Variants in TIPARP observed in about 807,000 individuals in gnomAD.
TIPARP encodes protein mono-ADP-ribosyltransferase TIPARP.
Under a neutral mutation model 56.5 loss-of-function variants are expected in TIPARP, and 12 were observed. That is an observed-to-expected ratio of 0.21 (90% CI 0.14 to 0.34). TIPARP has a LOEUF of 0.34. Ranked by LOEUF, TIPARP falls within the 10% of genes least tolerant of loss-of-function variation. The pLI is 1.00. For synonymous variants in TIPARP, 296 were observed against 265.7 expected, an observed-to-expected ratio of 1.11 and a Z score of -1.11; for missense variants, 604 against 781.6, an observed-to-expected ratio of 0.77 and a Z score of 2.71.
chr3:156,677,649 C>A lies in TIPARP; in HGVS notation c.-41-8C>A. ...TGTAAATGATCATCTTCCTTCCTTTCCTCGTAGGATTTTTAGACTCTGAGG... is the reference window on the plus strand; with the variant it reads ...TGTAAATGATCATCTTCCTTCCTTTACTCGTAGGATTTTTAGACTCTGAGG... On this transcript the variant is annotated splice_region_variant and splice_polypyrimidine_tract_variant and intron_variant, in intron 1 of 5. Coordinates refer to ENST00000295924, the MANE Select transcript of TIPARP (RefSeq NM_015508.5). 6.7e-7 allele frequency: 1 copy of A among 1,489,832 alleles called. No homozygotes were observed. Among genetic ancestry groups the A allele is most frequent in the Non-Finnish European group, 9.0e-7 (1 of 1,115,946 alleles). 92.3% of individuals were successfully genotyped at this position (1,489,832 alleles called of 1,614,324 possible).
intron 2 of TIPARP, among the ~76,000 whole-genome samples, chr3:156,688,267 T>TG (rs1283114805): frequency 6.7e-6 from 1 of 149,402 alleles, no homozygotes; most frequent in Non-Finnish European, 1.5e-5. Flanking sequence ...TCACAGCTAC[T>TG]GGGGATGCTG....
At chr3:156,683,757 A>C (rs1722361077) in intron 2 of TIPARP, among the ~76,000 whole-genome samples, 1 of 152,142 alleles carries the variant, frequency 6.6e-6, no homozygotes, top group South Asian at 2.1e-4. Context: ...CCTTAGTTTT[A>C]TTCTGGGTTT....
intron 2 of TIPARP, among the ~76,000 whole-genome samples, chr3:156,691,414 A>G (rs899562427): frequency 1.3e-5 from 2 of 152,164 alleles, no homozygotes; most frequent in African/African-American, 4.8e-5. Context: ...AGATAGGCAG[A>G]TGTACTGCTT....
In TIPARP at chr3:156,678,545, A is replaced by T. The variant is rs145662613; in HGVS notation, c.848A>T (p.Asn283Ile). The T allele has an allele frequency of 6.2e-7, 1 of 1,614,098 alleles. No individual in the cohort carries two copies. The highest frequency in any genetic ancestry group is 8.5e-7 in the Non-Finnish European group (1 of 1,180,036). The change falls in exon 2 of 6, where the codon AAT becomes ATT. Residue 283 changes from asparagine to isoleucine, a missense_variant. Asn to Ile is a moderately radical substitution (Grantham distance 149). Transcript: ENST00000295924. ...TTTQKWQSVF[N>I]DSQEHLERFY... The stretch of plus-strand genomic sequence containing the variant: ...ACTCAAAAGTGGCAGAGTGTATTCA[A>T]TGATTCTCAGGAGCACTTGGAAAGA...
At chr3:156,695,831 T>TA in intron 3 of TIPARP, 34 bp from the exon 4 acceptor site, 1 of 1,296,062 alleles carries the variant, frequency 7.7e-7, no homozygotes. Flanking sequence ...CTTTCCTTTT[T>TA]TTTTTTTTTT....
chr3:156,678,411 C>G lies in TIPARP; in HGVS notation c.714C>G (p.Asn238Lys). ...NQLQYHTHQE[N>K]GIEICMDFLQ... is the part of the protein sequence containing the mutation. ...TGCAGTACCACACTCACCAAGAGAA[C>G]GGAATTGAAATTTGCATGGACTTTC... The change falls in exon 2 of 6, where the codon AAC (asparagine) becomes AAG (lysine). Residue 238 changes from asparagine (N) to lysine (K), a missense_variant. Physicochemically the swap from Asn to Lys is moderately conservative, Grantham distance 94. This residue lies in a region of TIPARP where 261 missense variants were observed against 279.2 expected (regional missense o/e 0.93). Transcript: ENST00000295924. The G allele has an allele frequency of 6.2e-7, 1 of 1,614,164 alleles. No homozygotes were observed. Among genetic ancestry groups the G allele is most frequent in the Non-Finnish European group, 8.5e-7 (1 of 1,180,022 alleles).
chr3:156,684,910 G>C (rs1435318770), intron 2 of TIPARP, among the ~76,000 whole-genome samples: 1 of 152,140 alleles, frequency 6.6e-6, no homozygotes, highest in Non-Finnish European at 1.5e-5. Flanking sequence ...GTAACTGAAA[G>C]CTTCAAATTT....
intron 2 of TIPARP, among the ~76,000 whole-genome samples, chr3:156,681,824 A>G (rs1377314457): frequency 6.6e-6 from 1 of 152,108 alleles, no homozygotes; most frequent in Non-Finnish European, 1.5e-5. Context: ...GTGTGTATGT[A>G]CTTCCCAGAT....
At chr3:156,689,799 A>C (rs9834930) in intron 2 of TIPARP, among the ~76,000 whole-genome samples, 5,844 of 152,272 alleles carry the variant, frequency 0.038, 383 homozygotes, top group African/African-American at 0.13. Context: ...GTCACTCCGC[A>C]TGTGGTGTCC....
chr3:156,683,986 A>G (rs1722366772), intron 2 of TIPARP, among the ~76,000 whole-genome samples: 1 of 152,210 alleles, frequency 6.6e-6, no homozygotes, highest in Non-Finnish European at 1.5e-5. Context: ...TCTTAACCTT[A>G]GCCAACAACC....
chr3:156,702,701 A>C (rs2108498697), intron 4 of TIPARP, among the ~76,000 whole-genome samples: 1 of 152,328 alleles, frequency 6.6e-6, no homozygotes, highest in Middle Eastern at 3.4e-3. Context: ...AGGCAGGAAT[A>C]AGTAACTTAC....
rs997160225 is a variant in TIPARP, at chr3:156,694,334, A to G, written c.1086+146A>G. On this transcript the variant is annotated intron_variant, in intron 3 of 5. Transcript: ENST00000295924. ...ATGAATATAAAATTGAGTCTCATTG[A>G]TACAAGAAAACTTTTCTCTTTTTCT... 7.6e-6 allele frequency: 5 copies of G among 662,228 alleles called. No individual in the cohort carries two copies. The African/African-American group carries it at 9.4e-5, about 13-fold the overall frequency. 41.0% of individuals were successfully genotyped at this position (662,228 alleles called of 1,614,324 possible). A position where few individuals can be genotyped will look rare whatever the true frequency, so the allele number is the denominator to read the frequency against.
intron 5 of TIPARP, 45 bp downstream of exon 5, chr3:156,703,747 CT>C: frequency 6.4e-7 from 1 of 1,560,162 alleles, no homozygotes; most frequent in Non-Finnish European, 8.6e-7. Flanking sequence ...GGCGCAGTGG[CT>C]CAAGCCTGTA....
At chr3:156,702,167 A>AT (rs978375842) in intron 4 of TIPARP, among the ~76,000 whole-genome samples, 12 of 151,762 alleles carry the variant, frequency 7.9e-5, no homozygotes, top group African/African-American at 2.4e-4. Flanking sequence ...TGTTTTAAAA[A>AT]ATATATATAT....
intron 2 of TIPARP, among the ~76,000 whole-genome samples, chr3:156,682,815 G>A (rs1722339562): frequency 6.6e-6 from 1 of 152,182 alleles, no homozygotes; most frequent in African/African-American, 2.4e-5. Context: ...AAAAATTTCT[G>A]CCTAAGAGAA....
At position 156,674,686 on chromosome 3, in the gene TIPARP, T is replaced by G. The variant is rs1577031023; in HGVS notation, c.-152T>G. ...AATGGCCCGTGCGCGGCTCGCCGCG[T>G]CGCGGCTCTGTGGTCCCTAGACGTC... On this transcript the variant is annotated 5_prime_UTR_variant, in exon 1 of 6. Transcript: ENST00000295924. 1 of 152,434 alleles carries G rather than the reference T, an allele frequency of 6.6e-6. No individual in the cohort carries two copies. The highest frequency in any genetic ancestry group is 1.5e-5 in the Non-Finnish European group (1 of 68,120). 9.4% of individuals were successfully genotyped at this position (152,434 alleles called of 1,614,324 possible).
In TIPARP at chr3:156,694,186, G is replaced by A. The variant is rs150739414; in HGVS notation, c.1084G>A (p.Glu362Lys). 21 of 1,589,892 alleles carry A rather than the reference G, an allele frequency of 1.3e-5. No individual in the cohort carries two copies. The African/African-American group carries it at 2.6e-4, about 20-fold the overall frequency. The change falls in exon 3 of 6, where the codon GAG becomes AAG. Residue 362 changes from glutamate to lysine, a missense_variant and splice_region_variant. Glu to Lys is a moderately conservative substitution (Grantham distance 56, BLOSUM62 1). Transcript: ENST00000295924. ...RDHFGWREYP[E>K]SVIRLIEEAN... ...CCACTTTGGATGGAGAGAGTATCCC[G>A]AGGTATTTACAGATTCTTTGTTGAC...
chr3:156,702,174 A>G (rs1487821165), intron 4 of TIPARP, among the ~76,000 whole-genome samples: 1 of 151,732 alleles, frequency 6.6e-6, no homozygotes, highest in East Asian at 1.9e-4. Context: ...AAAAATATAT[A>G]TATAAATTGT....
In TIPARP at chr3:156,678,324, G is replaced by A; in HGVS notation, c.627G>A (p.Glu209=). 1 of 1,614,196 alleles carries A rather than the reference G, an allele frequency of 6.2e-7. No individual in the cohort carries two copies. Among genetic ancestry groups the A allele is most frequent in the South Asian group, 1.1e-5 (1 of 91,082 alleles). ...ACACCAGTGATAAGCTGAGTACTGA[G>A]CTCTTTCAGGACAAAAGTGAAGAGG... ...ILDTSDKLST[E]LFQDKSEEAS... The change falls in exon 2 of 6, where the codon GAG becomes GAA. Residue 209 remains glutamate, a synonymous_variant. Transcript: ENST00000295924.
Sources: allele counts gnomAD v4.1 joint callset (sites outside exome capture counted in the v4.1 genomes callset), GRCh38; gene constraint gnomAD v4.1.1; regional missense constraint gnomAD v4.1.1; transcripts MANE v1.5; gene names NCBI Gene and HGNC (gene_info 2026-07-23, HGNC 2026-07-21).